Variants in EBF1 observed in about 807,000 individuals in gnomAD.
EBF1 encodes the protein transcription factor COE1.
EBF1 carries 10 observed loss-of-function variants against 68.4 expected under a neutral mutation model. The observed-to-expected ratio is 0.15, with a 90% CI of 0.09 to 0.25. The LOEUF is 0.25. EBF1 is among the 10% of genes least tolerant of loss of function. EBF1 has a pLI of 1.00. For missense variants in EBF1, 509 were observed against 794.4 expected (o/e 0.64, Z 4.32); for synonymous variants, 298 against 299.8 (o/e 0.99, Z 0.06).
At chr5:158,915,733 T>G (rs944722798) in intron 6 of EBF1, among the ~76,000 whole-genome samples, 26 of 152,182 alleles carry the variant, frequency 1.7e-4, no homozygotes, top group African/African-American at 5.8e-4. Context: ...ATTCTGGCAC[T>G]CTTGGTTGTT....
chr5:158,934,185 G>A (rs1340783254), intron 6 of EBF1, among the ~76,000 whole-genome samples: 1 of 152,176 alleles, frequency 6.6e-6, no homozygotes, highest in Non-Finnish European at 1.5e-5. Flanking sequence ...AGACTCTCCT[G>A]AATGACTTAT....
chr5:158,749,632 A>G (rs1366982408), intron 10 of EBF1, among the ~76,000 whole-genome samples: 1 of 152,170 alleles, frequency 6.6e-6, no homozygotes, highest in Non-Finnish European at 1.5e-5. Flanking sequence ...TTGTGACATA[A>G]GTCAATAAGT....
intron 6 of EBF1, among the ~76,000 whole-genome samples, chr5:158,924,933 T>A (rs1307669230): frequency 6.7e-6 from 1 of 149,888 alleles, no homozygotes. Flanking sequence ...CCCCTCTAAA[T>A]GGTTTTTGCT....
At chr5:159,035,349 G>T (rs1561849925) in intron 6 of EBF1, among the ~76,000 whole-genome samples, 1 of 152,060 alleles carries the variant, frequency 6.6e-6, no homozygotes, top group Non-Finnish European at 1.5e-5. Context: ...ACCAAAATAA[G>T]TGAAAAGTAA....
At chr5:158,947,236 G>GAA (rs1412999746) in intron 6 of EBF1, among the ~76,000 whole-genome samples, 1 of 144,292 alleles carries the variant, frequency 6.9e-6, no homozygotes. Context: ...CCAGGGTATG[G>GAA]AAAAAAAAAA....
At chr5:159,085,451 T>C (rs564324097) in intron 4 of EBF1, among the ~76,000 whole-genome samples, 2 of 152,288 alleles carry the variant, frequency 1.3e-5, no homozygotes, top group South Asian at 2.1e-4. Context: ...CCAGCCCAAA[T>C]AGTTTTTTCT....
intron 6 of EBF1, among the ~76,000 whole-genome samples, chr5:158,948,848 C>G (rs1279356224): frequency 6.6e-6 from 1 of 152,222 alleles, no homozygotes; most frequent in Non-Finnish European, 1.5e-5. Flanking sequence ...CCTTCCTCCC[C>G]TACTTCATTC....
chr5:159,020,052 G>A (rs775676542), intron 6 of EBF1, among the ~76,000 whole-genome samples: 3 of 151,974 alleles, frequency 2.0e-5, no homozygotes, highest in Non-Finnish European at 4.4e-5. Context: ...ATGGACAATG[G>A]CCCATCTCTA....
chr5:158,765,410 G>T (rs533425781), intron 10 of EBF1, among the ~76,000 whole-genome samples: 18 of 152,090 alleles, frequency 1.2e-4, no homozygotes, highest in Non-Finnish European at 2.1e-4. Context: ...TGACTGGGAA[G>T]GCCATATTTT....
At chr5:158,858,502 A>G (rs527584976) in intron 6 of EBF1, among the ~76,000 whole-genome samples, 4 of 152,318 alleles carry the variant, frequency 2.6e-5, no homozygotes, top group South Asian at 4.2e-4. Flanking sequence ...TTGAAGCAGC[A>G]AAGTATAAAG....
At chr5:159,015,786 G>A (rs1473138488) in intron 6 of EBF1, among the ~76,000 whole-genome samples, 1 of 152,164 alleles carries the variant, frequency 6.6e-6, no homozygotes, top group Non-Finnish European at 1.5e-5. Flanking sequence ...CTAAGAACTT[G>A]TACACATTTA....
intron 6 of EBF1, among the ~76,000 whole-genome samples, chr5:159,047,728 T>C (rs928064008): frequency 3.3e-5 from 5 of 152,152 alleles, no homozygotes; most frequent in African/African-American, 1.2e-4. Flanking sequence ...CCTTCACACA[T>C]CAGCCCCAAC....
At chr5:158,807,551 G>C (rs1781817844) in intron 8 of EBF1, among the ~76,000 whole-genome samples, 1 of 152,108 alleles carries the variant, frequency 6.6e-6, no homozygotes, top group South Asian at 2.1e-4. Context: ...AAATATGGCT[G>C]AAGGCTGGAT....
At chr5:158,920,950 GT>G (rs919036161) in intron 6 of EBF1, among the ~76,000 whole-genome samples, 6 of 152,312 alleles carry the variant, frequency 3.9e-5, no homozygotes, top group Admixed American at 6.5e-5. Context: ...TAAAACAAAT[GT>G]AGAAATTAGC....
chr5:158,935,347 G>A (rs2127451961), intron 6 of EBF1, among the ~76,000 whole-genome samples: 1 of 152,312 alleles, frequency 6.6e-6, no homozygotes, highest in South Asian at 2.1e-4. Context: ...ACATTCCGGA[G>A]ACGCAAATGT....
At chr5:159,001,863 A>G (rs1313871976) in intron 6 of EBF1, among the ~76,000 whole-genome samples, 3 of 152,200 alleles carry the variant, frequency 2.0e-5, no homozygotes, top group Non-Finnish European at 1.5e-5. Context: ...GGAGCTAAAC[A>G]TGGGAGAAAA....
chr5:159,012,004 T>C (rs1288741934), intron 6 of EBF1, among the ~76,000 whole-genome samples: 1 of 152,184 alleles, frequency 6.6e-6, no homozygotes, highest in Admixed American at 6.5e-5. Flanking sequence ...AATGCTGACA[T>C]GTGGCCGGGT....
chr5:158,964,083 A>T (rs988497648), intron 6 of EBF1, among the ~76,000 whole-genome samples: 1 of 152,164 alleles, frequency 6.6e-6, no homozygotes. Context: ...AATCCTAAGG[A>T]TAAGTCAGAC....
intron 6 of EBF1, chr5:158,983,531 C>T (rs1758333531): frequency 6.6e-6 from 1 of 152,182 alleles, no homozygotes; most frequent in Admixed American, 6.5e-5. Context: ...AGCTCAAAGA[C>T]TACCTACCTT....
Sources: gnomAD v4.1 joint callset for allele counts (sites outside exome capture counted in the v4.1 genomes callset) on GRCh38, gnomAD v4.1.1 for gene constraint, MANE v1.5 for transcripts, NCBI Gene and HGNC (gene_info 2026-07-23, HGNC 2026-07-21) for gene names.